SLC17A7: variants seen among roughly 807,000 people sequenced by gnomAD.
The protein encoded by SLC17A7 is vesicular glutamate transporter 1.
Under a neutral mutation model 59.1 loss-of-function variants are expected in SLC17A7, and 15 were observed. The ratio of observed to expected loss-of-function variants is 0.25; its 90% CI spans 0.17 to 0.39. SLC17A7 has a LOEUF of 0.39. Ranked by LOEUF, SLC17A7 falls within the 10% of genes least tolerant of loss-of-function variation. The pLI, the probability that SLC17A7 is intolerant of heterozygous loss-of-function variation, is 1.00. For missense variants in SLC17A7, 499 were observed against 765.1 expected (o/e 0.65, Z 4.10); for synonymous variants, 353 against 308.9 (o/e 1.14, Z -1.50).
chr19:49,433,063 C>T lies in SLC17A7; in HGVS notation c.868-103G>A. On this transcript the variant is annotated intron_variant, in intron 7 of 11. Coordinates refer to ENST00000221485, the MANE Select transcript of SLC17A7 (RefSeq NM_020309.4). This position sits in a 1 kb window ranked among gnomAD's most constrained non-coding sequence, Gnocchi z 5.7. ...GTAGTTCTGCAGAAACCAAAGGATC[C>T]CGACCGCACTGAAACTTCTATGGAC... 8.0e-7 allele frequency: 1 copy of T among 1,256,130 alleles called. No individual in the cohort carries two copies. Among genetic ancestry groups the T allele is most frequent in the Non-Finnish European group, 1.1e-6 (1 of 906,206 alleles). The allele number at this position is 1,256,130 out of a possible 1,614,324, so 77.8% of individuals were successfully genotyped here. A position where few individuals can be genotyped will look rare whatever the true frequency, so the allele number is the denominator to read the frequency against.
Position 49,434,512 on chromosome 19 carries a change from C to T in SLC17A7, c.637+90G>A, listed in dbSNP as rs564287169. The T allele has an allele frequency of 6.2e-5, 74 of 1,192,516 alleles. 1 individual carries two copies. In the African/African-American group the frequency reaches 6.3e-4, roughly 10 times the overall value. The allele number at this position is 1,192,516 out of a possible 1,614,324, so 73.9% of individuals were successfully genotyped here. A position where few individuals can be genotyped will look rare whatever the true frequency, so the allele number is the denominator to read the frequency against. On this transcript the variant is annotated intron_variant, in intron 5 of 11. Transcript: ENST00000221485. ...CCTCCCTCAGACACAGGAGTTCAGC[C>T]CCCCCAGCCCCTCCCCGCTCAGACC...
intron 2 of SLC17A7, chr19:49,435,576 A>G (rs922081983): frequency 3.2e-6 from 1 of 316,762 alleles, no homozygotes; most frequent in South Asian, 4.6e-5. Flanking sequence ...CCCATGTATG[A>G]TGATGACTCT....
intron 2 of SLC17A7, 151 bp from the exon 3 acceptor site, chr19:49,435,437 T>C: frequency 1.6e-6 from 1 of 641,078 alleles, no homozygotes; most frequent in South Asian, 1.9e-5. Flanking sequence ...ACACTATCTT[T>C]CTGTCAATTA....
intron 5 of SLC17A7, 84 bp downstream of exon 5, chr19:49,434,518 A>T: frequency 3.8e-6 from 2 of 532,490 alleles, no homozygotes; most frequent in South Asian, 4.3e-5. Flanking sequence ...CAGCCCCCCC[A>T]GCCCCTCCCC....
Position 49,441,343 on chromosome 19 carries a change from C to A in SLC17A7, c.37G>T (p.Gly13Cys), listed in dbSNP as rs1214689796. The change falls in exon 1 of 12, where the codon GGT (glycine) becomes TGT (cysteine). Residue 13 changes from glycine (G) to cysteine (C), a missense_variant. Gly to Cys is a radical substitution (Grantham distance 159). Around this residue, in one of 3 missense-constraint regions of SLC17A7, gnomAD observed 78 missense variants for 80.4 expected, o/e 0.97. Transcript: ENST00000221485. ...CGGTGCAGCTTCCCGAGAGCACGAC[C>A]CGCTAGCTTCCGAAACTCCTCCTGG... ...FRQEEFRKLA[G>C]RALGKLHRLL... The A allele has an allele frequency of 1.2e-6, 2 of 1,608,942 alleles. No homozygotes were observed. The highest frequency in any genetic ancestry group is 1.7e-6 in the Non-Finnish European group (2 of 1,178,712).
chr19:49,430,323 C>T lies in SLC17A7; in HGVS notation c.*196G>A, dbSNP rs2078953311. 3.9e-6 allele frequency: 2 copies of T among 513,432 alleles called. No homozygotes were observed. Among genetic ancestry groups the T allele is most frequent in the Non-Finnish European group, 3.4e-6 (1 of 292,576 alleles). 31.8% of individuals were successfully genotyped at this position (513,432 alleles called of 1,614,324 possible). On this transcript the variant is annotated 3_prime_UTR_variant, in exon 12 of 12. Coordinates refer to ENST00000221485, the MANE Select transcript of SLC17A7 (RefSeq NM_020309.4). The stretch of plus-strand genomic sequence containing the variant: ...TAGGGGAATTTGGGTATCCTTGAAA[C>T]TGTCAGTCTGCAGCTTCACTACCCC...
Position 49,433,542 on chromosome 19 carries a change from C to T in SLC17A7, c.867+184G>A. Reference sequence around the variant, plus strand: ...CTGCTCAACTCCCGACCTAACCCTGCCCCCAGCACCTGAGAATCTCGTCCT... The same window carrying T: ...CTGCTCAACTCCCGACCTAACCCTGTCCCCAGCACCTGAGAATCTCGTCCT... On this transcript the variant is annotated intron_variant, in intron 7 of 11. Coordinates refer to ENST00000221485, the MANE Select transcript of SLC17A7 (RefSeq NM_020309.4). This position sits in a 1 kb window ranked among gnomAD's most constrained non-coding sequence, Gnocchi z 5.7. The T allele has an allele frequency of 1.3e-6, 1 of 796,152 alleles. No homozygotes were observed. Among genetic ancestry groups the T allele is most frequent in the Non-Finnish European group, 2.1e-6 (1 of 469,272 alleles). 49.3% of individuals were successfully genotyped at this position (796,152 alleles called of 1,614,324 possible).
chr19:49,437,071 T>A, intron 1 of SLC17A7: 1 of 547,132 alleles, frequency 1.8e-6, no homozygotes, highest in African/African-American at 1.9e-5. Context: ...GTCAAATCCT[T>A]CAACTCAGGA....
In SLC17A7 at chr19:49,436,812, G is replaced by A; in HGVS notation, c.63-11C>T. On this transcript the variant is annotated splice_polypyrimidine_tract_variant and intron_variant, in intron 1 of 11. Coordinates refer to ENST00000221485, the MANE Select transcript of SLC17A7 (RefSeq NM_020309.4). The surrounding 1 kb of genome is among the most constrained non-coding windows in gnomAD (Gnocchi z 4.1). ...CGCTTCTCCAGAAGGCTGCGGGACA[G>A]CAAGAGCCAGAGACTCGGAAGTCCA... The A allele has an allele frequency of 6.3e-7, 1 of 1,598,240 alleles. No homozygotes were observed. The highest frequency in any genetic ancestry group is 8.5e-7 in the Non-Finnish European group (1 of 1,178,372).
At position 49,436,547 on chromosome 19, in the gene SLC17A7, A is replaced by G. The variant is rs1216385580; in HGVS notation, c.315+2T>C. 6.2e-7 allele frequency: 1 copy of G among 1,612,194 alleles called. No homozygotes were observed. ...TCTGCAAGGGCTCAGGCCTTGAGCT[A>G]CCTGCACCACCACGTGGCCCCCGCG... is the stretch of plus-strand genomic sequence containing the variant. On this transcript the variant is annotated splice_donor_variant, in intron 2 of 11. Coordinates refer to ENST00000221485, the MANE Select transcript of SLC17A7 (RefSeq NM_020309.4). LOFTEE classifies it high-confidence loss of function. This position sits in a 1 kb window ranked among gnomAD's most constrained non-coding sequence, Gnocchi z 4.1.
At chr19:49,437,086 T>C (rs187202583) in intron 1 of SLC17A7, 10 of 519,186 alleles carry the variant, frequency 1.9e-5, no homozygotes, top group Admixed American at 9.7e-5. Context: ...TCAGGAGACT[T>C]AGACCCCAGA....
Position 49,433,803 on chromosome 19 carries a change from G to A in SLC17A7, c.790C>T (p.Pro264Ser). 2 of 1,613,970 alleles carry A rather than the reference G, an allele frequency of 1.2e-6. No individual in the cohort carries two copies. The highest frequency in any genetic ancestry group is 1.3e-5 in the African/African-American group (1 of 75,000). ...TTGCGCTCCTCCTCCGAGATGCTGGGGTGCAGCGCGGGGGACTCGTAGGAG... is the reference window on the plus strand; with the variant it reads ...TTGCGCTCCTCCTCCGAGATGCTGGAGTGCAGCGCGGGGGACTCGTAGGAG... ...LVSYESPALH[P>S]SISEEERKYI... is the part of the protein sequence containing the mutation. Residue 264 changes from proline (P) to serine (S), a missense_variant, in exon 7 of 12, where the codon CCC (proline) becomes TCC (serine). Pro to Ser is a moderately conservative substitution (Grantham distance 74). Transcript: ENST00000221485. This position sits in a 1 kb window ranked among gnomAD's most constrained non-coding sequence, Gnocchi z 5.7.
At chr19:49,432,148 C>T (rs1021302521) in intron 9 of SLC17A7, among the ~76,000 whole-genome samples, 2 of 152,158 alleles carry the variant, frequency 1.3e-5, no homozygotes, top group African/African-American at 4.8e-5. Context: ...ACAGCAGGCC[C>T]CCTAGGACCC....
chr19:49,433,886 G>A lies in SLC17A7; in HGVS notation c.725-18C>T. 6.2e-7 allele frequency: 1 copy of A among 1,611,462 alleles called. No homozygotes were observed. Among genetic ancestry groups the A allele is most frequent in the Non-Finnish European group, 8.5e-7 (1 of 1,178,240 alleles). On this transcript the variant is annotated intron_variant, in intron 6 of 11. Coordinates refer to ENST00000221485, the MANE Select transcript of SLC17A7 (RefSeq NM_020309.4). The surrounding 1 kb of genome is among the most constrained non-coding windows in gnomAD (Gnocchi z 5.7). ...GAAGCTGCCTGGGGGGGTCAGGAGGGGGATGGGAGCGAGGTGAGGACCGGC... is the reference window on the plus strand; with the variant it reads ...GAAGCTGCCTGGGGGGGTCAGGAGGAGGATGGGAGCGAGGTGAGGACCGGC...
intron 1 of SLC17A7, chr19:49,437,095 G>C (rs1337611775): frequency 2.0e-6 from 1 of 507,380 alleles, no homozygotes; most frequent in Admixed American, 3.3e-5. Context: ...TTAGACCCCA[G>C]ACAACCCTTT....
At chr19:49,434,450 C>T (rs1309572149) in intron 5 of SLC17A7, 152 bp downstream of exon 5, 1 of 739,496 alleles carries the variant, frequency 1.4e-6, no homozygotes, top group African/African-American at 1.8e-5. Flanking sequence ...GCCCCTCTTC[C>T]CTCAGACCTG....
In SLC17A7 at chr19:49,434,052, G is replaced by C. The variant is rs759194899; in HGVS notation, c.638-6C>G. ...CACCGCCCCAGCATAGGAACCTAAG[G>C]GGGAGGATGCGGGGGAGAGAACAGG... On this transcript the variant is annotated splice_polypyrimidine_tract_variant and splice_region_variant and intron_variant, in intron 5 of 11. Coordinates refer to ENST00000221485, the MANE Select transcript of SLC17A7 (RefSeq NM_020309.4). The C allele has an allele frequency of 1.9e-6, 3 of 1,603,798 alleles. No homozygotes were observed. Among genetic ancestry groups the C allele is most frequent in the Non-Finnish European group, 2.6e-6 (3 of 1,171,164 alleles).
rs762284913 is a variant in SLC17A7 at position 49,436,823 on chromosome 19, A to G, written c.63-22T>C. 3.1e-6 allele frequency: 5 copies of G among 1,595,668 alleles called. No individual in the cohort carries two copies. In the South Asian group the frequency reaches 5.5e-5, roughly 18 times the overall value. ...AAGGCTGCGGGACAGCAAGAGCCAG[A>G]GACTCGGAAGTCCAGGCCCCCAGCC... is the stretch of plus-strand genomic sequence containing the variant. On this transcript the variant is annotated intron_variant, in intron 1 of 11. Coordinates refer to ENST00000221485, the MANE Select transcript of SLC17A7 (RefSeq NM_020309.4). This position sits in a 1 kb window ranked among gnomAD's most constrained non-coding sequence, Gnocchi z 4.1.
In SLC17A7 at chr19:49,433,620, T is replaced by G; in HGVS notation, c.867+106A>C. ...TCTAGCCCCTCTCTTTGCGTTCCAG[T>G]CCCGTCTCCTCTAGAGTCTGCAGGA... On this transcript the variant is annotated intron_variant, in intron 7 of 11. Coordinates refer to ENST00000221485, the MANE Select transcript of SLC17A7 (RefSeq NM_020309.4). The surrounding 1 kb of genome is among the most constrained non-coding windows in gnomAD (Gnocchi z 5.7). 6.6e-7 allele frequency: 1 copy of G among 1,514,072 alleles called. No homozygotes were observed. Among genetic ancestry groups the G allele is most frequent in the Non-Finnish European group, 9.1e-7 (1 of 1,100,034 alleles). 93.8% of individuals were successfully genotyped at this position (1,514,072 alleles called of 1,614,324 possible).
Sources: gnomAD v4.1 joint callset for allele counts (sites outside exome capture counted in the v4.1 genomes callset) on GRCh38, gnomAD v4.1.1 for gene constraint, gnomAD v4.1.1 regional missense constraint, Gnocchi (gnomAD v3.1) non-coding constraint, MANE v1.5 for transcripts, NCBI Gene and HGNC (gene_info 2026-07-23, HGNC 2026-07-21) for gene names.